Variants in NRG1 observed in about 807,000 individuals in gnomAD.
NRG1 encodes the protein neuregulin 1.
A neutral mutation model predicts 63.8 loss-of-function variants in NRG1; 18 were observed. That is an observed-to-expected ratio of 0.28 (90% confidence interval 0.19 to 0.42). The LOEUF (loss-of-function observed/expected upper bound fraction) is 0.42. Ranked by LOEUF, NRG1 falls within the 10% of genes least tolerant of loss-of-function variation. The pLI is 1.00. For synonymous variants in NRG1, 302 were observed against 301.3 expected (o/e 1.00, Z -0.02); for missense variants, 762 against 814.7 (o/e 0.94, Z 0.79).
At chr8:32,585,534 A>C (rs921948023) in intron 1 of NRG1, among the ~76,000 whole-genome samples, 1 of 152,180 alleles carries the variant, frequency 6.6e-6, no homozygotes, top group Non-Finnish European at 1.5e-5. Context: ...CCATTAAGCC[A>C]CTTTTGTTGC....
At chr8:31,990,841 T>C (rs1163475626) in intron 1 of NRG1, among the ~76,000 whole-genome samples, 2 of 152,076 alleles carry the variant, frequency 1.3e-5, no homozygotes, top group Admixed American at 6.6e-5. Context: ...ATGAGTGTCA[T>C]GCTTTGTTGC....
rs1235272785 is a variant in NRG1 at position 31,750,980 on chromosome 8, T to C, written c.37+111549T>C. ...CATAATAATTCAGAAGTGGAATTCA[T>C]TGAAGAATTATGGGCTCCCAAATGC... On this transcript the variant is annotated intron_variant, in intron 1 of 10. Transcript: ENST00000519301. 4.6e-5 allele frequency among the ~76,000 whole-genome samples: 7 copies of C among 152,008 alleles called. No individual in the cohort carries two copies. The East Asian group carries it at 1.4e-3, about 29-fold the overall frequency.
At chr8:31,956,424 C>G (rs1036553024) in intron 1 of NRG1, among the ~76,000 whole-genome samples, 6 of 151,848 alleles carry the variant, frequency 4.0e-5, no homozygotes, top group African/African-American at 1.5e-4. Context: ...GAGACCATCC[C>G]GGCTAACATG....
At chr8:31,931,188 C>T (rs1340618872) in intron 1 of NRG1, among the ~76,000 whole-genome samples, 3 of 152,066 alleles carry the variant, frequency 2.0e-5, no homozygotes, top group Non-Finnish European at 4.4e-5. Flanking sequence ...ATTGAGTACA[C>T]CGACCTCTCA....
chr8:31,741,477 T>C (rs1815264482), intron 1 of NRG1, among the ~76,000 whole-genome samples: 1 of 142,960 alleles, frequency 7.0e-6, no homozygotes, highest in Non-Finnish European at 1.6e-5. Context: ...TGGAATACAT[T>C]TAACCTACAA....
chr8:31,694,290 G>A (rs1452305168), intron 1 of NRG1, among the ~76,000 whole-genome samples: 5 of 152,086 alleles, frequency 3.3e-5, no homozygotes, highest in South Asian at 2.1e-4. Context: ...TATTCGACAC[G>A]GGTTCACCTT....
intron 5 of NRG1, among the ~76,000 whole-genome samples, chr8:32,651,884 A>C (rs977568223): frequency 4.6e-5 from 7 of 152,162 alleles, no homozygotes; most frequent in Non-Finnish European, 1.0e-4. Context: ...CCCCACTTTA[A>C]TCATAGCCGA....
At chr8:32,302,541 T>G (rs1010394869) in intron 1 of NRG1, among the ~76,000 whole-genome samples, 4 of 149,262 alleles carry the variant, frequency 2.7e-5, no homozygotes, top group Non-Finnish European at 5.9e-5. Flanking sequence ...ATATGCCAAT[T>G]TTTTTCTTTG....
intron 5 of NRG1, among the ~76,000 whole-genome samples, chr8:32,691,104 G>A (rs987549666): frequency 6.6e-6 from 1 of 152,096 alleles, no homozygotes; most frequent in African/African-American, 2.4e-5. Flanking sequence ...AGCACTTTGT[G>A]TTGACTTAGT....
intron 1 of NRG1, among the ~76,000 whole-genome samples, chr8:32,483,651 G>A (rs7833155): frequency 0.98 from 148,794 of 152,308 alleles, 72,783 homozygotes; most frequent in East Asian, 1. Context: ...GGCTAGGTAA[G>A]TCTTCTTTGT....
At chr8:32,659,527 G>A (rs922581061) in intron 5 of NRG1, among the ~76,000 whole-genome samples, 1 of 152,208 alleles carries the variant, frequency 6.6e-6, no homozygotes, top group African/African-American at 2.4e-5. Context: ...AAATTAGTCA[G>A]TGGGCTTCAT....
At chr8:32,069,681 A>ACTAG (rs368771034) in intron 1 of NRG1, among the ~76,000 whole-genome samples, 47 of 152,304 alleles carry the variant, frequency 3.1e-4, no homozygotes, top group African/African-American at 1.0e-3. Context: ...TGACCCTGAG[A>ACTAG]CTAGCATCAA....
At chr8:32,665,916 G>C (rs1254063828) in intron 5 of NRG1, among the ~76,000 whole-genome samples, 1 of 152,080 alleles carries the variant, frequency 6.6e-6, no homozygotes, top group African/African-American at 2.4e-5. Flanking sequence ...AAATTAGTAG[G>C]CTATTTTAAT....
intron 1 of NRG1, among the ~76,000 whole-genome samples, chr8:32,551,615 A>G (rs1834133635): frequency 6.6e-6 from 1 of 152,208 alleles, no homozygotes. Context: ...CTGCACTTTT[A>G]TACAATTAAC....
At chr8:32,053,617 A>AC (rs1822355310) in intron 1 of NRG1, among the ~76,000 whole-genome samples, 1 of 152,208 alleles carries the variant, frequency 6.6e-6, no homozygotes, top group Non-Finnish European at 1.5e-5. Flanking sequence ...CATGGAGAGA[A>AC]CACATGTATT....
intron 1 of NRG1, among the ~76,000 whole-genome samples, chr8:32,538,645 T>C (rs185884662): frequency 1.3e-4 from 20 of 152,306 alleles, no homozygotes; most frequent in Non-Finnish European, 2.6e-4. Context: ...TGTTAAAGTA[T>C]ATTGAGTTGG....
At chr8:32,253,935 G>A (rs1849400329) in intron 1 of NRG1, among the ~76,000 whole-genome samples, 1 of 152,150 alleles carries the variant, frequency 6.6e-6, no homozygotes, top group South Asian at 2.1e-4. Context: ...TATGTGTCTA[G>A]GAGTTTATCA....
At chr8:32,215,645 A>C (rs1845140994) in intron 1 of NRG1, among the ~76,000 whole-genome samples, 1 of 152,198 alleles carries the variant, frequency 6.6e-6, no homozygotes, top group Non-Finnish European at 1.5e-5. Context: ...TTAATCAATA[A>C]AGATTCATTA....
chr8:32,557,696 C>G (rs1481978992), intron 1 of NRG1, among the ~76,000 whole-genome samples: 1 of 152,054 alleles, frequency 6.6e-6, no homozygotes, highest in East Asian at 1.9e-4. Flanking sequence ...AGAGTTGGAA[C>G]CTTCCCGGGG....
Sources: gnomAD v4.1 joint callset for allele counts (sites outside exome capture counted in the v4.1 genomes callset) on GRCh38, gnomAD v4.1.1 for gene constraint, MANE v1.5 for transcripts, NCBI Gene and HGNC (gene_info 2026-07-23, HGNC 2026-07-21) for gene names.